The following MED13 variants were observed in gnomAD, a reference collection of about 807,000 sequenced individuals.
MED13 encodes mediator of RNA polymerase II transcription subunit 13.
Under a neutral mutation model 225.2 loss-of-function variants are expected in MED13, and 23 were observed. The observed-to-expected ratio is 0.10, with a 90% CI of 0.07 to 0.14. The LOEUF is 0.14. Among genes scored for constraint, MED13 ranks in the 10% least tolerant of loss-of-function variants. MED13 has a pLI of 1.00. For missense variants in MED13, 2,197 were observed against 2,594.5 expected, an observed-to-expected ratio of 0.85 and a Z score of 3.33; for synonymous variants, 942 against 889.2, an observed-to-expected ratio of 1.06 and a Z score of -1.06.
chr17:61,988,869 A>G (rs929371838), intron 11 of MED13, among the ~76,000 whole-genome samples: 3 of 152,080 alleles, frequency 2.0e-5, no homozygotes, highest in African/African-American at 7.2e-5. Context: ...TATACAATCT[A>G]TTATTAATTG....
At chr17:61,994,837 A>G (rs1480626562) in intron 10 of MED13, among the ~76,000 whole-genome samples, 1 of 152,048 alleles carries the variant, frequency 6.6e-6, no homozygotes, top group African/African-American at 2.4e-5. Context: ...AGCCTCCCGA[A>G]TAGCTGGGAT....
chr17:62,039,484 T>C (rs1309545493), intron 3 of MED13, among the ~76,000 whole-genome samples: 1 of 152,028 alleles, frequency 6.6e-6, no homozygotes, highest in African/African-American at 2.4e-5. Flanking sequence ...GGTTTTACCA[T>C]GTTGGCCAGG....
intron 27 of MED13, 109 bp downstream of exon 27, chr17:61,952,856 C>CAA: frequency 1.5e-6 from 2 of 1,312,172 alleles, no homozygotes; most frequent in Non-Finnish European, 1.0e-6. Context: ...AGGCTGGTCT[C>CAA]AAACTCCTGA....
rs370199643 is a variant in MED13 at position 61,962,823 on chromosome 17, C to A, written c.4993G>T (p.Gly1665Trp). 1 of 1,613,996 alleles carries A rather than the reference C, an allele frequency of 6.2e-7. No homozygotes were observed. The highest frequency in any genetic ancestry group is 1.7e-5 in the Admixed American group (1 of 59,992). Residue 1665 changes from glycine to tryptophan, a missense_variant, in exon 21 of 30, where the codon GGG becomes TGG. By Grantham distance (184) the Gly-to-Trp change is radical (BLOSUM62 -2). This residue lies in a region of MED13 where 457 missense variants were observed against 442.2 expected (regional missense o/e 1.03). Transcript: ENST00000397786. ...ATTTCTAGAAAGCATCGAAGTAGCCCCAATGTCCACACACTAGAAGAGTTA... is the reference window on the plus strand; with the variant it reads ...ATTTCTAGAAAGCATCGAAGTAGCCACAATGTCCACACACTAGAAGAGTTA... ...STNSSSVWTL[G>W]LLRCFLEMVQ...
intron 11 of MED13, among the ~76,000 whole-genome samples, chr17:61,988,309 C>T (rs552192563): frequency 1.3e-5 from 2 of 152,304 alleles, no homozygotes; most frequent in African/African-American, 4.8e-5. Flanking sequence ...CCTACCCTCT[C>T]GCCCTGTTTT....
chr17:62,012,314 T>A (rs1310780106), intron 8 of MED13, among the ~76,000 whole-genome samples: 1 of 151,614 alleles, frequency 6.6e-6, no homozygotes, highest in Non-Finnish European at 1.5e-5. Context: ...AACATTATTT[T>A]TACACTAAGA....
chr17:61,982,672 T>C lies in MED13; in HGVS notation c.3331A>G (p.Ile1111Val). The change falls in exon 16 of 30, where the codon ATT (isoleucine) becomes GTT (valine). Residue 1111 changes from isoleucine to valine, a missense_variant. Physicochemically the swap from Ile to Val is conservative, Grantham distance 29. Coordinates refer to ENST00000397786, the MANE Select transcript of MED13 (RefSeq NM_005121.3). ...TGTGCTTCCTGCGTTGGATCTGGAA[T>C]GTAAACTCCAACATCGGCACCCTTG... ...NIKGADVGVY[I>V]PDPTQEAQYR... 6.2e-7 allele frequency: 1 copy of C among 1,614,216 alleles called. No homozygotes were observed.
intron 8 of MED13, among the ~76,000 whole-genome samples, chr17:62,017,254 G>C (rs572158156): frequency 2.1e-5 from 3 of 145,682 alleles, no homozygotes; most frequent in African/African-American, 7.5e-5. Context: ...AAGATTTGAG[G>C]AGCAAGATTA....
In MED13 at chr17:61,992,911, C is replaced by T. The variant is rs545628156; in HGVS notation, c.2182-290G>A. 2.0e-5 allele frequency among the ~76,000 whole-genome samples: 3 copies of T among 152,146 alleles called. No homozygotes were observed. In the South Asian group the frequency reaches 6.2e-4, roughly 32 times the overall value. Reference sequence around the variant, plus strand: ...CTTCCCAAGTAGCTAGGACTACAGACACATGCCACCACGCCCAGCTAATTT... The same window carrying T: ...CTTCCCAAGTAGCTAGGACTACAGATACATGCCACCACGCCCAGCTAATTT... On this transcript the variant is annotated intron_variant, in intron 10 of 29. Transcript: ENST00000397786.
At chr17:61,997,845 A>G (rs1057263377) in intron 9 of MED13, among the ~76,000 whole-genome samples, 1 of 152,164 alleles carries the variant, frequency 6.6e-6, no homozygotes, top group Non-Finnish European at 1.5e-5. Flanking sequence ...CACTGTTTAC[A>G]TAAGTAGTTG....
At position 61,943,471 on chromosome 17, in the gene MED13, G is replaced by C. The variant is rs538728272; in HGVS notation, c.*2997C>G. 2 of 152,526 alleles carry C rather than the reference G, an allele frequency of 1.3e-5. No homozygotes were observed. Among genetic ancestry groups the C allele is most frequent in the African/African-American group, 2.4e-5 (1 of 41,430 alleles). The allele number at this position is 152,526 out of a possible 1,614,324, so 9.4% of individuals were successfully genotyped here. ...TACCTCAGAAGGTAAATATGAAGAC[G>C]AAAGGAGAATATTTTAATACAGTAA... On this transcript the variant is annotated 3_prime_UTR_variant, in exon 30 of 30. Transcript: ENST00000397786.
chr17:61,963,638 T>TTTACAGCTTCAATGGTGTA (rs796598357), intron 20 of MED13, among the ~76,000 whole-genome samples: 15 of 152,334 alleles, frequency 9.8e-5, no homozygotes, highest in African/African-American at 3.6e-4. Context: ...TATTTCATAC[T>TTTACAGCTTCAATGGTGTA]TTACAGCTTC....
chr17:62,064,593 T>A (rs2081066201), intron 1 of MED13, among the ~76,000 whole-genome samples: 1 of 152,200 alleles, frequency 6.6e-6, no homozygotes, highest in African/African-American at 2.4e-5. Context: ...AAATGGCACC[T>A]ACTGGCTTTT....
intron 8 of MED13, among the ~76,000 whole-genome samples, chr17:62,025,820 C>T (rs532552000): frequency 8.5e-5 from 13 of 152,258 alleles, no homozygotes; most frequent in African/African-American, 3.1e-4. Flanking sequence ...TAAACAATAG[C>T]TAAATATATC....
At chr17:62,050,869 G>T (rs910977511) in intron 3 of MED13, among the ~76,000 whole-genome samples, 2 of 152,060 alleles carry the variant, frequency 1.3e-5, no homozygotes, top group African/African-American at 4.8e-5. Flanking sequence ...GCCAGGTGTG[G>T]TGGCACACGC....
In MED13 at chr17:61,953,510, A is replaced by C. The variant is rs563926855; in HGVS notation, c.5969-397T>G. Among the ~76,000 whole-genome samples the C allele has an allele frequency of 1.6e-4, 24 of 152,310 alleles. No homozygotes were observed. The Middle Eastern group carries it at 0.01, about 65-fold the overall frequency. On this transcript the variant is annotated intron_variant, in intron 26 of 29. Transcript: ENST00000397786. ...GGTTAGAGCCAGTGAAGGAGATGTG[A>C]TGACACTATACTGCTGGCATCCAGG...
chr17:62,022,637 A>G (rs1212337073), intron 8 of MED13, among the ~76,000 whole-genome samples: 1 of 152,116 alleles, frequency 6.6e-6, no homozygotes, highest in Admixed American at 6.6e-5. Context: ...AATGAAGCAG[A>G]GCTATATAAG....
chr17:62,062,222 C>T (rs765366071), intron 2 of MED13, among the ~76,000 whole-genome samples: 16 of 152,208 alleles, frequency 1.1e-4, no homozygotes, highest in Non-Finnish European at 1.8e-4. Flanking sequence ...AACCTTATAG[C>T]ATACAACCAA....
chr17:62,055,887 C>G (rs1351423809), intron 2 of MED13, among the ~76,000 whole-genome samples: 1 of 152,152 alleles, frequency 6.6e-6, no homozygotes, highest in East Asian at 1.9e-4. Context: ...GCATTTCTCC[C>G]TCATTATTCT....
Sources: gnomAD v4.1 joint callset for allele counts (sites outside exome capture counted in the v4.1 genomes callset) on GRCh38, gnomAD v4.1.1 for gene constraint, gnomAD v4.1.1 regional missense constraint, MANE v1.5 for transcripts, NCBI Gene and HGNC (gene_info 2026-07-23, HGNC 2026-07-21) for gene names.